The following CATSPERE variants were observed in gnomAD, a reference collection of about 807,000 sequenced individuals.
CATSPERE encodes the protein catsper channel auxiliary subunit epsilon.
In CATSPERE, 93 loss-of-function variants were observed where a neutral mutation model predicts 114.1. That is an observed-to-expected ratio of 0.81 (90% CI 0.69 to 0.97). The LOEUF (loss-of-function observed/expected upper bound fraction) is 0.97. Ranked by LOEUF, CATSPERE falls within the 50% of genes least tolerant of loss-of-function variation. The pLI, the probability that CATSPERE is intolerant of heterozygous loss-of-function variation, is 0.00. For synonymous variants in CATSPERE, 341 were observed against 384.1 expected (o/e 0.89, Z 1.31); for missense variants, 1,058 against 1,131.6 (o/e 0.93, Z 0.93).
rs3003288 is a variant in CATSPERE, at chr1:244,514,099, A to G, written c.430-4493A>G. ...TGAGGCACAGAAGTTTTTAATTTTA[A>G]TGAAAGCTATTTTTCTTTTTGTTAC... On this transcript the variant is annotated intron_variant, in intron 7 of 21. Transcript: ENST00000366534. Among the ~76,000 whole-genome samples, 1,097 of 152,280 alleles carry G rather than the reference A, an allele frequency of 7.2e-3. 13 individuals carry two copies. The highest frequency in any genetic ancestry group is 0.025 in the African/African-American group (1,022 of 41,560).
At chr1:244,595,115 G>A (rs938323101) in intron 17 of CATSPERE, among the ~76,000 whole-genome samples, 3 of 152,158 alleles carry the variant, frequency 2.0e-5, no homozygotes, top group Non-Finnish European at 2.9e-5. Flanking sequence ...GCACTCTTCA[G>A]TTCATCATTG....
chr1:244,590,115 G>T (rs1667534047), intron 14 of CATSPERE, among the ~76,000 whole-genome samples: 1 of 152,164 alleles, frequency 6.6e-6, no homozygotes, highest in African/African-American at 2.4e-5. Flanking sequence ...ATCTAAAAAT[G>T]GTGGTGACAA....
intron 9 of CATSPERE, 122 bp from the exon 10 acceptor site, chr1:244,560,546 A>G (rs973952329): frequency 1.8e-6 from 1 of 540,606 alleles, no homozygotes; most frequent in Admixed American, 4.0e-5. Flanking sequence ...CCTGTTCCCC[A>G]AAAACCTATT....
chr1:244,508,867 A>G (rs967295976), intron 7 of CATSPERE, among the ~76,000 whole-genome samples: 10 of 150,412 alleles, frequency 6.6e-5, no homozygotes, highest in Non-Finnish European at 1.5e-4. Flanking sequence ...CAGGCATAGT[A>G]GCACGTGCCT....
At chr1:244,611,097 A>C (rs1361539482) in intron 19 of CATSPERE, among the ~76,000 whole-genome samples, 1 of 152,096 alleles carries the variant, frequency 6.6e-6, no homozygotes, top group African/African-American at 2.4e-5. Context: ...TAGCGTTTAT[A>C]ACTATGACAC....
chr1:244,486,514 C>T (rs1284950931), intron 5 of CATSPERE, among the ~76,000 whole-genome samples: 19 of 133,716 alleles, frequency 1.4e-4, no homozygotes, highest in South Asian at 7.2e-4. Flanking sequence ...AGGTGTAGAC[C>T]CTCGTAGTCA....
intron 6 of CATSPERE, among the ~76,000 whole-genome samples, chr1:244,494,216 C>T (rs1191224523): frequency 2.0e-5 from 3 of 151,732 alleles, no homozygotes; most frequent in Non-Finnish European, 2.9e-5. Context: ...TGTCCAACAA[C>T]AATAGACTGG....
At chr1:244,625,174 G>C (rs1342266484) in intron 20 of CATSPERE, among the ~76,000 whole-genome samples, 1 of 151,362 alleles carries the variant, frequency 6.6e-6, no homozygotes, top group East Asian at 1.9e-4. Context: ...AGCCTTATGA[G>C]ATGTAATTCT....
At chr1:244,520,861 A>C (rs1419774666) in intron 8 of CATSPERE, among the ~76,000 whole-genome samples, 1 of 152,270 alleles carries the variant, frequency 6.6e-6, no homozygotes, top group Non-Finnish European at 1.5e-5. Context: ...TAATGTTTTA[A>C]CTGAAAAGAA....
chr1:244,542,480 C>T (rs1659007990), intron 8 of CATSPERE, among the ~76,000 whole-genome samples: 1 of 152,100 alleles, frequency 6.6e-6, no homozygotes, highest in African/African-American at 2.4e-5. Context: ...ACTCCCCTCC[C>T]ACCCTGTCCC....
chr1:244,610,318 G>A lies in CATSPERE; in HGVS notation c.2482G>A (p.Gly828Arg), dbSNP rs1157212924. 1.2e-6 allele frequency: 2 copies of A among 1,608,092 alleles called. No individual in the cohort carries two copies. The highest frequency in any genetic ancestry group is 1.3e-5 in the African/African-American group (1 of 74,738). Residue 828 changes from glycine (G) to arginine (R), a missense_variant, in exon 19 of 22, where the codon GGA becomes AGA. By Grantham distance (125) the Gly-to-Arg change is moderately radical (BLOSUM62 -2). Transcript: ENST00000366534. ...NKHLPLEEVW[G>R]PENYKHCFSY... ...GCACCTCCCACTAGAAGAAGTCTGG[G>A]GACCTGAGGTAAGAGAAACATTACC...
At position 244,605,784 on chromosome 1, in the gene CATSPERE, C is replaced by A; in HGVS notation, c.2393C>A (p.Thr798Asn). ...HGRDDYSFNN[T>N]MAQSGCLHEA... ...AGGGATGACTATAGCTTTAATAATA[C>A]TATGGCACAGGTATGGCATCTTTGG... Residue 798 changes from threonine to asparagine, a missense_variant, in exon 18 of 22, where the codon ACT (threonine) becomes AAT (asparagine). By Grantham distance (65) the Thr-to-Asn change is moderately conservative. This residue lies in a region of CATSPERE where 787 missense variants were observed against 905.6 expected (regional missense o/e 0.87). Transcript: ENST00000366534. 6.2e-7 allele frequency: 1 copy of A among 1,602,634 alleles called. No individual in the cohort carries two copies. The highest frequency in any genetic ancestry group is 8.5e-7 in the Non-Finnish European group (1 of 1,170,344).
At chr1:244,533,031 C>T (rs1479043229) in intron 8 of CATSPERE, among the ~76,000 whole-genome samples, 2 of 152,004 alleles carry the variant, frequency 1.3e-5, no homozygotes, top group East Asian at 3.8e-4. Context: ...TGTCTGGGTG[C>T]TTCATTGTCA....
intron 2 of CATSPERE, among the ~76,000 whole-genome samples, chr1:244,466,264 T>C (rs1667591206): frequency 1.3e-5 from 2 of 152,204 alleles, no homozygotes; most frequent in African/African-American, 4.8e-5. Flanking sequence ...TATTCATACA[T>C]GAGTTTGCTC....
intron 2 of CATSPERE, among the ~76,000 whole-genome samples, chr1:244,476,804 A>G (rs1351664617): frequency 6.6e-6 from 1 of 152,208 alleles, no homozygotes; most frequent in Admixed American, 6.5e-5. Context: ...AGAGGCAGGG[A>G]AAAAAGTAGC....
At chr1:244,512,077 A>G (rs758879690) in intron 7 of CATSPERE, among the ~76,000 whole-genome samples, 3 of 152,204 alleles carry the variant, frequency 2.0e-5, no homozygotes, top group Non-Finnish European at 2.9e-5. Context: ...CTGGATATCT[A>G]TATATCTTGC....
chr1:244,594,669 G>A (rs1668154967), intron 17 of CATSPERE, among the ~76,000 whole-genome samples: 1 of 152,152 alleles, frequency 6.6e-6, no homozygotes, highest in African/African-American at 2.4e-5. Context: ...AAGGCTTTCA[G>A]CTTTTGGGGA....
intron 7 of CATSPERE, among the ~76,000 whole-genome samples, chr1:244,507,633 T>A (rs901531954): frequency 6.6e-6 from 1 of 152,088 alleles, no homozygotes; most frequent in African/African-American, 2.4e-5. Flanking sequence ...CCTTTAAGTC[T>A]TTAATTCATT....
intron 6 of CATSPERE, 73 bp from the exon 7 acceptor site, chr1:244,498,929 G>T (rs931634910): frequency 7.4e-6 from 8 of 1,087,284 alleles, no homozygotes; most frequent in African/African-American, 6.3e-5. Flanking sequence ...CATGTTTATG[G>T]TTATGTTTTG....
Sources: allele counts gnomAD v4.1 joint callset (sites outside exome capture counted in the v4.1 genomes callset), GRCh38; gene constraint gnomAD v4.1.1; regional missense constraint gnomAD v4.1.1; transcripts MANE v1.5; gene names NCBI Gene and HGNC (gene_info 2026-07-23, HGNC 2026-07-21).